CPXM2: variants seen among roughly 807,000 people sequenced by gnomAD.
CPXM2 encodes carboxypeptidase X, M14 family member 2.
Under a neutral mutation model 86.1 loss-of-function variants are expected in CPXM2, and 66 were observed. The ratio of observed to expected loss-of-function variants is 0.77; its 90% confidence interval spans 0.63 to 0.94. The LOEUF is 0.94. CPXM2 is among the 40% of genes least tolerant of loss of function. CPXM2 has a pLI of 0.00. For missense variants in CPXM2, 948 were observed against 1,026.3 expected, an observed-to-expected ratio of 0.92 and a Z score of 1.04; for synonymous variants, 388 against 400.2, an observed-to-expected ratio of 0.97 and a Z score of 0.36.
chr10:123,760,235 C>T (rs1394138443), intron 11 of CPXM2, among the ~76,000 whole-genome samples: 1 of 152,110 alleles, frequency 6.6e-6, no homozygotes, highest in Non-Finnish European at 1.5e-5. Flanking sequence ...TGCCCGTGCC[C>T]AATTTAGTCA....
intron 2 of CPXM2, among the ~76,000 whole-genome samples, chr10:123,874,854 G>T (rs991221737): frequency 6.6e-6 from 1 of 152,198 alleles, no homozygotes; most frequent in Non-Finnish European, 1.5e-5. Context: ...CACACTTGGG[G>T]TTAAGTGGCT....
chr10:123,886,736 T>C (rs1283622567), intron 1 of CPXM2, among the ~76,000 whole-genome samples: 1 of 152,164 alleles, frequency 6.6e-6, no homozygotes, highest in Non-Finnish European at 1.5e-5. Flanking sequence ...AAGAGAGAAA[T>C]AAATAAAATC....
intron 3 of CPXM2, among the ~76,000 whole-genome samples, chr10:123,860,144 G>A (rs758001892): frequency 4.6e-5 from 7 of 152,192 alleles, no homozygotes; most frequent in Non-Finnish European, 1.0e-4. Context: ...TTCAGAGAGA[G>A]ACCCAGTCAC....
chr10:123,798,063 C>T lies in CPXM2; in HGVS notation c.802G>A (p.Ala268Thr). The T allele has an allele frequency of 6.2e-7, 1 of 1,611,628 alleles. No individual in the cohort carries two copies. Among genetic ancestry groups the T allele is most frequent in the Non-Finnish European group, 8.5e-7 (1 of 1,178,728 alleles). ...VLNELPVPMV[A>T]RYIRINPQSW... ...TGAGGGTTTATGCGGATGTAGCGGG[C>T]CACCATGGGGACGGGTAGCTCATTG... Residue 268 changes from alanine (A) to threonine (T), a missense_variant, in exon 6 of 14, where the codon GCC becomes ACC. Transcript: ENST00000241305.
At chr10:123,770,404 C>T (rs1236132641) in intron 8 of CPXM2, among the ~76,000 whole-genome samples, 1 of 152,210 alleles carries the variant, frequency 6.6e-6, no homozygotes, top group Non-Finnish European at 1.5e-5. Context: ...CAGCAGATTT[C>T]TAAACAGCTC....
chr10:123,770,147 G>A (rs1846593159), intron 8 of CPXM2, among the ~76,000 whole-genome samples: 4 of 151,878 alleles, frequency 2.6e-5, no homozygotes, highest in Admixed American at 1.3e-4. Flanking sequence ...GGTGGCACAT[G>A]CCTGTAATCC....
At chr10:123,834,589 G>C (rs548324142) in intron 4 of CPXM2, among the ~76,000 whole-genome samples, 31 of 152,328 alleles carry the variant, frequency 2.0e-4, no homozygotes, top group Non-Finnish European at 3.2e-4. Context: ...GAACAAAAAG[G>C]ATGCTCCTGG....
At chr10:123,907,782 C>T (rs985004329) in intron 2 of CPXM2, among the ~76,000 whole-genome samples, 5 of 152,094 alleles carry the variant, frequency 3.3e-5, no homozygotes. Context: ...CCCAGATGTA[C>T]ACTGAAGGCA....
At chr10:123,943,817 C>G (rs564283934), upstream of CPXM2, among the ~76,000 whole-genome samples, 107 of 152,310 alleles carry the variant, frequency 7.0e-4, no homozygotes, top group African/African-American at 2.6e-3. Flanking sequence ...TAGAGGGACA[C>G]CACTGTCCTG....
rs551095598 is a variant in CPXM2 at position 123,789,290 on chromosome 10, G to A, written c.889+8686C>T. Among the ~76,000 whole-genome samples the A allele has an allele frequency of 2.6e-5, 4 of 152,360 alleles. No individual in the cohort carries two copies. The South Asian group carries it at 8.3e-4, about 32-fold the overall frequency. On this transcript the variant is annotated intron_variant, in intron 6 of 13. Transcript: ENST00000241305. ...ACCTGCCGCCCCACAGGGCCCCTCA[G>A]AGGGGGCAGCACAACCTCTGTGCTT...
At chr10:123,905,501 G>A (rs1176257258) in intron 2 of CPXM2, among the ~76,000 whole-genome samples, 1 of 152,190 alleles carries the variant, frequency 6.6e-6, no homozygotes, top group African/African-American at 2.4e-5. Context: ...TTGAGCCCCT[G>A]ACTTTTCTGA....
At chr10:123,789,018 G>A (rs1305290201) in intron 6 of CPXM2, among the ~76,000 whole-genome samples, 1 of 152,046 alleles carries the variant, frequency 6.6e-6, no homozygotes, top group East Asian at 1.9e-4. Flanking sequence ...CTGCCATTGT[G>A]GCCTTGTGAC....
At chr10:123,751,805 C>T (rs900135422) in intron 13 of CPXM2, 325 of 985,216 alleles carry the variant, frequency 3.3e-4, no homozygotes, top group Non-Finnish European at 3.8e-4. Flanking sequence ...GAACAAAGAG[C>T]CGTGTGTAAA....
intron 3 of CPXM2, among the ~76,000 whole-genome samples, chr10:123,859,833 C>T (rs1848815630): frequency 6.6e-6 from 1 of 152,342 alleles, no homozygotes; most frequent in African/African-American, 2.4e-5. Context: ...GTGGGCCTCT[C>T]ACGGGTGAAA....
At chr10:123,844,400 G>C (rs183440276) in intron 3 of CPXM2, among the ~76,000 whole-genome samples, 1 of 151,948 alleles carries the variant, frequency 6.6e-6, no homozygotes, top group Non-Finnish European at 1.5e-5. Context: ...AAAAAACTGA[G>C]AATTAATGTA....
chr10:123,797,443 G>T (rs1763389753), intron 6 of CPXM2, among the ~76,000 whole-genome samples: 1 of 152,128 alleles, frequency 6.6e-6, no homozygotes, highest in Non-Finnish European at 1.5e-5. Context: ...TAGCCCGATT[G>T]TTCACTGTGC....
At position 123,841,120 on chromosome 10, in the gene CPXM2, T is replaced by C. The variant is rs11595644; in HGVS notation, c.653+1229A>G. Among the ~76,000 whole-genome samples, 835 of 152,288 alleles carry C rather than the reference T, an allele frequency of 5.5e-3. 1 individual carries two copies. The highest frequency in any genetic ancestry group is 9.6e-3 in the Non-Finnish European group (652 of 68,034). ...CATTTGTGATCTTGGCTTCTCAATG[T>C]CGGCAGATGTTAGAAGAATTTGAAG... On this transcript the variant is annotated intron_variant, in intron 4 of 13. Coordinates refer to ENST00000241305, the MANE Select transcript of CPXM2 (RefSeq NM_198148.3).
chr10:123,921,467 A>G (rs1378066259), intron 2 of CPXM2, among the ~76,000 whole-genome samples: 5 of 152,244 alleles, frequency 3.3e-5, no homozygotes, highest in Non-Finnish European at 7.3e-5. Flanking sequence ...GAAAGGAAGA[A>G]AGAAACAAAA....
chr10:123,867,970 A>C (rs1171899787), intron 2 of CPXM2, among the ~76,000 whole-genome samples: 1 of 152,262 alleles, frequency 6.6e-6, no homozygotes, highest in Non-Finnish European at 1.5e-5. Context: ...AACCACTTGC[A>C]AAGCATGCGA....
Sources: gnomAD v4.1 joint callset for allele counts (sites outside exome capture counted in the v4.1 genomes callset) on GRCh38, gnomAD v4.1.1 for gene constraint, MANE v1.5 for transcripts, NCBI Gene and HGNC (gene_info 2026-07-23, HGNC 2026-07-21) for gene names.